WIPF1: variants seen among roughly 807,000 people sequenced by gnomAD.
WIPF1 encodes WAS/WASL-interacting protein family member 1.
WIPF1 carries 13 observed loss-of-function variants against 35.4 expected under a neutral mutation model. That is an observed-to-expected ratio of 0.37 (90% CI 0.24 to 0.58). The LOEUF (loss-of-function observed/expected upper bound fraction) is 0.58, where lower values mean the gene tolerates loss of function less well. WIPF1 is among the 20% of genes least tolerant of loss of function. WIPF1 has a pLI of 0.74. For missense variants in WIPF1, 591 were observed against 667.0 expected (o/e 0.89, Z 1.25); for synonymous variants, 267 against 266.3 (o/e 1.00, Z -0.02).
intron 6 of WIPF1, 22 bp downstream of exon 6, chr2:174,567,839 G>A (rs1684709292): frequency 6.5e-7 from 1 of 1,539,750 alleles, no homozygotes; most frequent in East Asian, 2.3e-5. Context: ...CTATAGCCCA[G>A]GGAGCTGGGA....
chr2:174,658,239 C>A (rs978232379), intron 1 of WIPF1, among the ~76,000 whole-genome samples: 4 of 152,114 alleles, frequency 2.6e-5, no homozygotes, highest in Non-Finnish European at 5.9e-5. Context: ...CATGGTCAAC[C>A]CAATAACCTC....
intron 1 of WIPF1, among the ~76,000 whole-genome samples, chr2:174,657,135 T>A (rs183487194): frequency 3.9e-4 from 59 of 152,356 alleles, no homozygotes; most frequent in African/African-American, 1.4e-3. Context: ...CTTGATGGAA[T>A]CTTGGATTGC....
In WIPF1 at chr2:174,561,254, TTA is replaced by T; in HGVS notation, c.*1291_*1292del. The stretch of plus-strand genomic sequence containing the variant: ...CTCAACCCTTACATAAGCATCAGAT[TTA>T]GATTTTTAGAGTTTTGCCCACCAAC... On this transcript the variant is annotated 3_prime_UTR_variant, in exon 8 of 8. Coordinates refer to ENST00000679041, the MANE Select transcript of WIPF1 (RefSeq NM_001375834.1). 6.5e-6 allele frequency: 1 copy of T among 152,718 alleles called. No homozygotes were observed. The highest frequency in any genetic ancestry group is 2.1e-4 in the South Asian group (1 of 4,828). The allele number at this position is 152,718 out of a possible 1,614,324, so 9.5% of individuals were successfully genotyped here.
Position 174,674,979 on chromosome 2 carries a change from G to A in WIPF1, c.-39+7795C>T, listed in dbSNP as rs1688098626. Among the ~76,000 whole-genome samples, 5 of 150,174 alleles carry A rather than the reference G, an allele frequency of 3.3e-5. No homozygotes were observed. In the South Asian group the frequency reaches 1.0e-3, roughly 31 times the overall value. ...TCCAGGAAGAATGGTTGTAGTAGAA[G>A]AAAACTTGACACAATATGAACAGTT... On this transcript the variant is annotated intron_variant, in intron 1 of 8. Transcript: ENST00000272746.
intron 1 of WIPF1, among the ~76,000 whole-genome samples, chr2:174,659,255 T>C (rs572886967): frequency 4.3e-4 from 66 of 152,310 alleles, no homozygotes; most frequent in Non-Finnish European, 7.5e-4. Context: ...ACTACAGACA[T>C]GAGCCACCAC....
rs3205060 is a variant in WIPF1, at chr2:174,560,618, C to T, written c.*1929G>A. ...CCAACACTTTGCCAAGCTTGTTATA[C>T]CTTATTATTTCTTGATTCTCTTTGA... On this transcript the variant is annotated 3_prime_UTR_variant, in exon 8 of 8. Transcript: ENST00000679041. The T allele has an allele frequency of 0.46, 70,549 of 152,316 alleles. 18,075 individuals carry two copies. The highest frequency in any genetic ancestry group is 0.85 in the East Asian group (4,419 of 5,184). The allele number at this position is 152,316 out of a possible 1,614,324, so 9.4% of individuals were successfully genotyped here. A position where few individuals can be genotyped will look rare whatever the true frequency, so the allele number is the denominator to read the frequency against.
At chr2:174,670,665 G>A (rs1687995402) in intron 1 of WIPF1, among the ~76,000 whole-genome samples, 1 of 152,210 alleles carries the variant, frequency 6.6e-6, no homozygotes, top group Non-Finnish European at 1.5e-5. Flanking sequence ...GTCTGCTGCT[G>A]AGCCAAAACA....
chr2:174,664,607 C>T (rs12999729), intron 1 of WIPF1, among the ~76,000 whole-genome samples: 20,167 of 152,210 alleles, frequency 0.13, 1,802 homozygotes, highest in Non-Finnish European at 0.2. Context: ...TGGCCAGTGT[C>T]GGGCTCGGCC....
chr2:174,575,138 C>T, intron 4 of WIPF1, 66 bp downstream of exon 4: 1 of 1,523,826 alleles, frequency 6.6e-7, no homozygotes, highest in South Asian at 1.2e-5. Context: ...GAGGCTATGA[C>T]CAGCCTCCAA....
chr2:174,582,150 A>G (rs1041400572), intron 2 of WIPF1, among the ~76,000 whole-genome samples: 3 of 152,214 alleles, frequency 2.0e-5, no homozygotes, highest in Non-Finnish European at 4.4e-5. Context: ...GGTGTTTCTG[A>G]TGTTTAATTC....
intron 5 of WIPF1, chr2:174,570,491 G>A (rs1056898797): frequency 1.3e-5 from 2 of 152,162 alleles, no homozygotes; most frequent in Admixed American, 1.3e-4. Flanking sequence ...ATATTTTGGG[G>A]AAGATTTAAT....
rs140590716 is a variant in WIPF1 at position 174,577,379 on chromosome 2, T to C, written c.182-1999A>G. On this transcript the variant is annotated intron_variant, in intron 3 of 7. Transcript: ENST00000679041. ...TGATGGGTAAATTTCCATAACAATG[T>C]AAATTATTAACGTTTCTAAAGGCAA... Among the ~76,000 whole-genome samples, 38 of 152,354 alleles carry C rather than the reference T, an allele frequency of 2.5e-4. No individual in the cohort carries two copies. The East Asian group carries it at 6.4e-3, about 25-fold the overall frequency.
At chr2:174,612,779 T>TA (rs34651945) in intron 1 of WIPF1, among the ~76,000 whole-genome samples, 44,432 of 151,548 alleles carry the variant, frequency 0.29, 6,670 homozygotes, top group Middle Eastern at 0.39. Flanking sequence ...TATCTGGATT[T>TA]AAAAAAAAAT....
chr2:174,675,448 C>T (rs963341613), intron 1 of WIPF1, among the ~76,000 whole-genome samples: 14 of 152,068 alleles, frequency 9.2e-5, no homozygotes, highest in Admixed American at 9.2e-4. Flanking sequence ...CCTTAAACTC[C>T]TGGGCTCAAG....
chr2:174,618,114 C>T (rs1329257239), intron 1 of WIPF1, among the ~76,000 whole-genome samples: 1 of 152,162 alleles, frequency 6.6e-6, no homozygotes. Context: ...GTCCTCTTTC[C>T]AGAATAATTG....
At chr2:174,661,240 G>T (rs1186446650) in intron 1 of WIPF1, among the ~76,000 whole-genome samples, 1 of 152,348 alleles carries the variant, frequency 6.6e-6, no homozygotes, top group East Asian at 1.9e-4. Flanking sequence ...TCAGAGCTGG[G>T]TGGAGATGGG....
rs536571625 is a variant in WIPF1, at chr2:174,561,606, G to C, written c.*941C>G. 1 of 159,054 alleles carries C rather than the reference G, an allele frequency of 6.3e-6. No homozygotes were observed. Among genetic ancestry groups the C allele is most frequent in the Non-Finnish European group, 1.4e-5 (1 of 71,668 alleles). The allele number at this position is 159,054 out of a possible 1,614,324, so 9.9% of individuals were successfully genotyped here. Reference sequence around the variant, plus strand: ...CTTGTATACAGATATTAAGGGAAGAGGGAAGTTAAGGGAGGAAAATCGAAG... The same window carrying C: ...CTTGTATACAGATATTAAGGGAAGACGGAAGTTAAGGGAGGAAAATCGAAG... On this transcript the variant is annotated 3_prime_UTR_variant, in exon 8 of 8. Transcript: ENST00000679041.
intron 2 of WIPF1, among the ~76,000 whole-genome samples, chr2:174,584,570 C>G (rs1685341152): frequency 1.3e-5 from 2 of 152,076 alleles, no homozygotes; most frequent in Admixed American, 1.3e-4. Context: ...TGGAGAGTTG[C>G]CAAATTCCTG....
At chr2:174,624,220 G>T (rs1686756462) in intron 1 of WIPF1, among the ~76,000 whole-genome samples, 3 of 152,188 alleles carry the variant, frequency 2.0e-5, no homozygotes, top group Non-Finnish European at 4.4e-5. Context: ...ACAAGCCATG[G>T]TTAGATGTAA....
Sources: allele counts gnomAD v4.1 joint callset (sites outside exome capture counted in the v4.1 genomes callset), GRCh38; gene constraint gnomAD v4.1.1; transcripts MANE v1.5; gene names NCBI Gene and HGNC (gene_info 2026-07-23, HGNC 2026-07-21).